LLGL1: variants seen among roughly 807,000 people sequenced by gnomAD.
LLGL1 encodes the protein LLGL scribble cell polarity complex component 1, also known as lethal(2) giant larvae protein homolog 1.
Under a neutral mutation model 110.6 loss-of-function variants are expected in LLGL1, and 58 were observed. That is an observed-to-expected ratio of 0.52 (90% CI 0.42 to 0.65). LLGL1 has a LOEUF of 0.65. Among genes scored for constraint, LLGL1 ranks in the 30% least tolerant of loss-of-function variants. The pLI is 0.00. For synonymous variants in LLGL1, 674 were observed against 607.2 expected, an observed-to-expected ratio of 1.11 and a Z score of -1.62; for missense variants, 1,229 against 1,462.1, an observed-to-expected ratio of 0.84 and a Z score of 2.60.
chr17:18,233,770 C>G lies in LLGL1; in HGVS notation c.393-8C>G. 6.2e-7 allele frequency: 1 copy of G among 1,610,232 alleles called. No individual in the cohort carries two copies. The highest frequency in any genetic ancestry group is 8.5e-7 in the Non-Finnish European group (1 of 1,177,458). On this transcript the variant is annotated splice_region_variant and splice_polypyrimidine_tract_variant and intron_variant, in intron 4 of 22. Coordinates refer to ENST00000316843, the MANE Select transcript of LLGL1 (RefSeq NM_004140.4). ...GTACCCTCACTCCCTTCCCCTTGTTCCCTGCAGTGCTCCGCTCAGCCTTAC... is the reference window on the plus strand; with the variant it reads ...GTACCCTCACTCCCTTCCCCTTGTTGCCTGCAGTGCTCCGCTCAGCCTTAC...
In LLGL1 at chr17:18,240,355, G is replaced by T. The variant is rs929871739; in HGVS notation, c.2207-223G>T. On this transcript the variant is annotated intron_variant, in intron 16 of 22. Transcript: ENST00000316843. The surrounding 1 kb of genome is among the most constrained non-coding windows in gnomAD (Gnocchi z 5.3). ...CCTCTGCAGGAGGGCTGCATCCTGG[G>T]CTCCGACTGCAGTCAGCAGCATAGA... Among the ~76,000 whole-genome samples the T allele has an allele frequency of 6.6e-6, 1 of 152,146 alleles. No homozygotes were observed. Among genetic ancestry groups the T allele is most frequent in the Non-Finnish European group, 1.5e-5 (1 of 68,014 alleles).
intron 4 of LLGL1, among the ~76,000 whole-genome samples, chr17:18,233,201 C>T (rs1315570416): frequency 6.6e-6 from 1 of 152,106 alleles, no homozygotes; most frequent in Non-Finnish European, 1.5e-5. Context: ...GGGTGGGAGA[C>T]AGGCCTTTCT....
rs76973089 is a variant in LLGL1 at position 18,240,858 on chromosome 17, T to C, written c.2487T>C (p.Ser829=). ...GTGGTCACGCTGTGCTCATCGCATC[T>C]GAGGAGCAGTTCAAGGTGAGCCACT... ...MQGGHAVLIA[S]EEQFKVFTLP... Residue 829 remains serine, a synonymous_variant, in exon 17 of 23, where the codon TCT becomes TCC. Coordinates refer to ENST00000316843, the MANE Select transcript of LLGL1 (RefSeq NM_004140.4). The surrounding 1 kb of genome is among the most constrained non-coding windows in gnomAD (Gnocchi z 5.3). The C allele has an allele frequency of 3.5e-3, 5,395 of 1,536,016 alleles. 73 individuals are homozygous for C. In the African/African-American group the frequency reaches 0.04, roughly 11 times the overall value.
In LLGL1 at chr17:18,228,324, G is replaced by A. The variant is rs140122065; in HGVS notation, c.82-1617G>A. Among the ~76,000 whole-genome samples, 1,011 of 152,332 alleles carry A rather than the reference G, an allele frequency of 6.6e-3. 11 individuals are homozygous for A. Among genetic ancestry groups the A allele is most frequent in the African/African-American group, 0.023 (966 of 41,570 alleles). ...TGAGCGACAGGAAGTGCTGGAGGAA[G>A]TGCGTTCCAGGCAGAGGGGCAGTAG... On this transcript the variant is annotated intron_variant, in intron 1 of 22. Transcript: ENST00000316843.
intron 2 of LLGL1, among the ~76,000 whole-genome samples, chr17:18,230,256 G>T (rs959819262): frequency 6.6e-6 from 1 of 152,146 alleles, no homozygotes; most frequent in Non-Finnish European, 1.5e-5. Flanking sequence ...GACGGGTGGT[G>T]GGGGGTCAGT....
At position 18,238,168 on chromosome 17, in the gene LLGL1, A is replaced by G. The variant is rs2047738760; in HGVS notation, c.2006A>G (p.Lys669Arg). The G allele has an allele frequency of 6.2e-7, 1 of 1,613,130 alleles. No individual in the cohort carries two copies. Among genetic ancestry groups the G allele is most frequent in the African/African-American group, 1.3e-5 (1 of 74,942 alleles). ...SLRQSFRRIR[K>R]SRVSGKKRAA... ...CGCCAGTCTTTCCGGCGCATTCGCA[A>G]GAGTCGTGTCTCTGGCAAGAAGCGG... Residue 669 changes from lysine to arginine, a missense_variant, in exon 15 of 23, where the codon AAG becomes AGG. Lys to Arg is a conservative substitution (Grantham distance 26). Transcript: ENST00000316843.
At position 18,241,631 on chromosome 17, in the gene LLGL1, C is replaced by T. The variant is rs768905426; in HGVS notation, c.2683C>T (p.Leu895=). ...CGTCCACGTCTTCTCGGTGCCTGGC[C>T]TGCGGCCCCAGGTGCACTATTCCTG... ...GDVHVFSVPG[L]RPQVHYSCIR... Residue 895 remains leucine, a synonymous_variant, in exon 18 of 23, where the codon CTG becomes TTG. Transcript: ENST00000316843. 6.2e-7 allele frequency: 1 copy of T among 1,613,752 alleles called. No individual in the cohort carries two copies. The highest frequency in any genetic ancestry group is 1.1e-5 in the South Asian group (1 of 91,090).
chr17:18,227,782 GGGT>G (rs2047481795), intron 1 of LLGL1, among the ~76,000 whole-genome samples: 1 of 152,216 alleles, frequency 6.6e-6, no homozygotes, highest in Non-Finnish European at 1.5e-5. Flanking sequence ...GCTAGCCTTG[GGGT>G]GGCGGAAAGT....
At chr17:18,235,918 C>A in intron 11 of LLGL1, 1 of 250,342 alleles carries the variant, frequency 4.0e-6, no homozygotes, top group Non-Finnish European at 7.8e-6. Flanking sequence ...CCTGCCCCCA[C>A]TCCCGCCTGT....
chr17:18,230,444 A>G (rs2047541976), intron 2 of LLGL1, among the ~76,000 whole-genome samples: 1 of 152,088 alleles, frequency 6.6e-6, no homozygotes, highest in African/African-American at 2.4e-5. Context: ...GAATGTGAAG[A>G]CACATGTGTT....
intron 15 of LLGL1, 121 bp downstream of exon 15, chr17:18,238,335 C>A: frequency 6.4e-7 from 1 of 1,570,968 alleles, no homozygotes; most frequent in Non-Finnish European, 8.6e-7. Context: ...CCTGGGCCCT[C>A]CAGAGGGATG....
chr17:18,233,722 C>T (rs998239367), intron 4 of LLGL1, 56 bp from the exon 5 acceptor site: 3 of 1,559,440 alleles, frequency 1.9e-6, no homozygotes, highest in African/African-American at 1.4e-5. Flanking sequence ...CCTCACACCC[C>T]ACCTGAGCAG....
chr17:18,238,165 G>C lies in LLGL1; in HGVS notation c.2003G>C (p.Arg668Pro), dbSNP rs531828914. The stretch of plus-strand genomic sequence containing the variant: ...CTGCGCCAGTCTTTCCGGCGCATTC[G>C]CAAGAGTCGTGTCTCTGGCAAGAAG... ...KSLRQSFRRI[R>P]KSRVSGKKRA... The change falls in exon 15 of 23, where the codon CGC becomes CCC. Residue 668 changes from arginine (R) to proline (P), a missense_variant. Physicochemically the swap from Arg to Pro is moderately radical, Grantham distance 103. Coordinates refer to ENST00000316843, the MANE Select transcript of LLGL1 (RefSeq NM_004140.4). 6.2e-7 allele frequency: 1 copy of C among 1,613,206 alleles called. No homozygotes were observed. The highest frequency in any genetic ancestry group is 8.5e-7 in the Non-Finnish European group (1 of 1,180,036).
rs2047916726 is a variant in LLGL1 at position 18,243,888 on chromosome 17, C to T, written c.*2-20C>T. On this transcript the variant is annotated intron_variant, in intron 22 of 22. Coordinates refer to ENST00000316843, the MANE Select transcript of LLGL1 (RefSeq NM_004140.4). ...GCCCTCCCTCACCTTCTGCTGATAC[C>T]TCTTCTCTCCCTCTTCCAGGAAGGC... 6.6e-6 allele frequency: 1 copy of T among 152,590 alleles called. No individual in the cohort carries two copies. The highest frequency in any genetic ancestry group is 2.4e-5 in the African/African-American group (1 of 41,474). The allele number at this position is 152,590 out of a possible 1,614,324, so 9.5% of individuals were successfully genotyped here. A position where few individuals can be genotyped will look rare whatever the true frequency, so the allele number is the denominator to read the frequency against.
At chr17:18,237,000 T>A (rs1228401455) in intron 13 of LLGL1, 61 bp downstream of exon 13, 12 of 1,381,316 alleles carry the variant, frequency 8.7e-6, no homozygotes, top group African/African-American at 2.9e-5. Context: ...AGAGATGAGC[T>A]GGAGGGTCTG....
At chr17:18,228,467 A>G (rs2047499842) in intron 1 of LLGL1, among the ~76,000 whole-genome samples, 1 of 152,206 alleles carries the variant, frequency 6.6e-6, no homozygotes, top group Admixed American at 6.5e-5. Flanking sequence ...CTCTGTGGGA[A>G]CAGACTGTAG....
At chr17:18,226,425 A>G (rs2047444886) in intron 1 of LLGL1, among the ~76,000 whole-genome samples, 1 of 151,914 alleles carries the variant, frequency 6.6e-6, no homozygotes, top group African/African-American at 2.4e-5. Context: ...AGTGGGGGCG[A>G]GGCAGCTGTG....
intron 4 of LLGL1, among the ~76,000 whole-genome samples, chr17:18,233,026 A>T (rs2047602774): frequency 6.6e-6 from 1 of 152,246 alleles, no homozygotes; most frequent in Non-Finnish European, 1.5e-5. Flanking sequence ...CGACGTGAGC[A>T]GGTAATTAAC....
intron 17 of LLGL1, 132 bp from the exon 18 acceptor site, chr17:18,241,319 C>G (rs1216396964): frequency 1.4e-5 from 16 of 1,178,594 alleles, no homozygotes; most frequent in Non-Finnish European, 1.8e-5. Flanking sequence ...GCCAGGTGTA[C>G]AGGCACGGGA....
Sources: allele counts gnomAD v4.1 joint callset (sites outside exome capture counted in the v4.1 genomes callset), GRCh38; gene constraint gnomAD v4.1.1; non-coding constraint Gnocchi (gnomAD v3.1); transcripts MANE v1.5; gene names NCBI Gene and HGNC (gene_info 2026-07-23, HGNC 2026-07-21).